Variants in HARS2 observed in about 807,000 individuals in gnomAD.
The protein encoded by HARS2 is histidine--tRNA ligase, mitochondrial.
A neutral mutation model predicts 62.4 loss-of-function variants in HARS2; 40 were observed. The observed-to-expected ratio is 0.64, with a 90% CI of 0.50 to 0.83. HARS2 has a LOEUF of 0.83. Ranked by LOEUF, HARS2 falls within the 40% of genes least tolerant of loss-of-function variation. The pLI is 0.00. For synonymous variants in HARS2, 228 were observed against 227.0 expected (o/e 1.00, Z -0.04); for missense variants, 569 against 626.4 (o/e 0.91, Z 0.98).
rs759831668 is a variant in HARS2, at chr5:140,697,255, G to C, written c.1046G>C (p.Gly349Ala). ...CTGCTGCAGACCCCAACTCAGGCTG[G>C]GGAGGAGCCCCTGAATGTGGGCAGT... ...AVLLQTPTQA[G>A]EEPLNVGSVA... is the part of the protein sequence containing the mutation. The change falls in exon 10 of 13, where the codon GGG becomes GCG. Residue 349 changes from glycine (G) to alanine (A), a missense_variant. Transcript: ENST00000230771. 1 of 1,614,068 alleles carries C rather than the reference G, an allele frequency of 6.2e-7. No homozygotes were observed. The highest frequency in any genetic ancestry group is 1.3e-5 in the African/African-American group (1 of 74,908).
rs1331020925 is a variant in HARS2, at chr5:140,697,362, A to G, written c.1153A>G (p.Ile385Val). 46 of 1,613,938 alleles carry G rather than the reference A, an allele frequency of 2.9e-5. No homozygotes were observed. Among genetic ancestry groups the G allele is most frequent in the Non-Finnish European group, 3.6e-5 (43 of 1,180,026 alleles). ...CAAGGTGCCATGTGTGGGACTCAGC[A>G]TTGGGGTTGAGCGAATCTTCTACAT... ...GHKVPCVGLS[I>V]GVERIFYIVE... The change falls in exon 10 of 13, where the codon ATT becomes GTT. Residue 385 changes from isoleucine to valine, a missense_variant. By Grantham distance (29) the Ile-to-Val change is conservative. Transcript: ENST00000230771.
chr5:140,692,150 A>G (rs2563305), intron 1 of HARS2: 40,060 of 196,754 alleles, frequency 0.2, 4,176 homozygotes, highest in African/African-American at 0.22. Context: ...GACTGAGTTC[A>G]TCTTAGAATT....
rs752429573 is a variant in HARS2 at position 140,697,691 on chromosome 5, G to A, written c.1314+6G>A. The A allele has an allele frequency of 1.9e-6, 3 of 1,580,810 alleles. No homozygotes were observed. The highest frequency in any genetic ancestry group is 2.2e-5 in the East Asian group (1 of 44,724). On this transcript the variant is annotated splice_donor_region_variant and intron_variant, in intron 11 of 12. Coordinates refer to ENST00000230771, the MANE Select transcript of HARS2 (RefSeq NM_012208.4). ...TTTGGGATTCTGGAATCAAGGTATG[G>A]TGGAGCTGATATCTGAGCCATCTGG... is the stretch of plus-strand genomic sequence containing the variant.
intron 7 of HARS2, 63 bp downstream of exon 7, chr5:140,696,264 C>A: frequency 3.4e-6 from 4 of 1,173,562 alleles, no homozygotes; most frequent in Non-Finnish European, 5.1e-6. Flanking sequence ...CAAATCCATA[C>A]CACTAGTGAA....
intron 8 of HARS2, 127 bp downstream of exon 8, chr5:140,696,741 T>C: frequency 1.1e-6 from 1 of 941,270 alleles, no homozygotes; most frequent in Non-Finnish European, 1.8e-6. Flanking sequence ...GAATTTAATT[T>C]CTCTTTTACT....
intron 4 of HARS2, among the ~76,000 whole-genome samples, chr5:140,694,704 C>T (rs1759679000): frequency 6.6e-6 from 1 of 152,182 alleles, no homozygotes. Context: ...CATCTCTACT[C>T]AGCTCCTGCT....
At position 140,694,042 on chromosome 5, in the gene HARS2, A is replaced by G; in HGVS notation, c.291A>G (p.Ala97=). 6.2e-7 allele frequency: 1 copy of G among 1,614,198 alleles called. No individual in the cohort carries two copies. Among genetic ancestry groups the G allele is most frequent in the Non-Finnish European group, 8.5e-7 (1 of 1,180,012 alleles). ...GAGCAAAGGGGATGGACACCCCAGCATTTGAGCTGAAGGTAAGGGGAGAAG... is the reference window on the plus strand; with the variant it reads ...GAGCAAAGGGGATGGACACCCCAGCGTTTGAGCTGAAGGTAAGGGGAGAAG... ...RHGAKGMDTP[A]FELKETLTEK... Residue 97 remains alanine, a synonymous_variant, in exon 3 of 13, where the codon GCA becomes GCG. Coordinates refer to ENST00000230771, the MANE Select transcript of HARS2 (RefSeq NM_012208.4).
rs752472621 is a variant in HARS2 at position 140,697,588 on chromosome 5, G to A, written c.1217G>A (p.Arg406Gln). ...QRMKTKGEKV[R>Q]TTETQVFVAT... ...TATTAGACCAAAGGTGAGAAGGTGC[G>A]GACTACAGAGACTCAAGTGTTTGTG... is the stretch of plus-strand genomic sequence containing the variant. Residue 406 changes from arginine (R) to glutamine (Q), a missense_variant, in exon 11 of 13, where the codon CGG becomes CAG. Transcript: ENST00000230771. The A allele has an allele frequency of 1.4e-5, 23 of 1,613,300 alleles. No individual in the cohort carries two copies. The highest frequency in any genetic ancestry group is 4.4e-5 in the South Asian group (4 of 91,056).
In HARS2 at chr5:140,697,572, A is replaced by G. The variant is rs1340753644; in HGVS notation, c.1201A>G (p.Lys401Glu). The stretch of plus-strand genomic sequence containing the variant: ...TTACTTTCTTCTCTCTTATTAGACC[A>G]AAGGTGAGAAGGTGCGGACTACAGA... ...FYIVEQRMKT[K>E]GEKVRTTETQ... The change falls in exon 11 of 13, where the codon AAA (lysine) becomes GAA (glutamate). Residue 401 changes from lysine (K) to glutamate (E), a missense_variant. Lys to Glu is a moderately conservative substitution (Grantham distance 56, BLOSUM62 1). Coordinates refer to ENST00000230771, the MANE Select transcript of HARS2 (RefSeq NM_012208.4). The G allele has an allele frequency of 1.2e-6, 2 of 1,612,288 alleles. No individual in the cohort carries two copies. Among genetic ancestry groups the G allele is most frequent in the Admixed American group, 3.3e-5 (2 of 60,022 alleles).
At chr5:140,697,462 T>C in intron 10 of HARS2, 56 bp downstream of exon 10, 1 of 1,611,114 alleles carries the variant, frequency 6.2e-7, no homozygotes, top group Non-Finnish European at 8.5e-7. Context: ...CTCCTGTTTC[T>C]GGAGGTGTAG....
rs201884182 is a variant in HARS2 at position 140,697,136 on chromosome 5, G to T, written c.955-28G>T. On this transcript the variant is annotated intron_variant, in intron 9 of 12. Coordinates refer to ENST00000230771, the MANE Select transcript of HARS2 (RefSeq NM_012208.4). Reference sequence around the variant, plus strand: ...GCTCTCAGGGTCCCGAGTCTAGTTTGGGACTGACTGTAATCTTGTCCCCAC... The same window carrying T: ...GCTCTCAGGGTCCCGAGTCTAGTTTTGGACTGACTGTAATCTTGTCCCCAC... 18 of 1,614,186 alleles carry T rather than the reference G, an allele frequency of 1.1e-5. No homozygotes were observed. In the African/African-American group the frequency reaches 2.3e-4, roughly 20 times the overall value.
chr5:140,696,792 G>C lies in HARS2; in HGVS notation c.827-151G>C, dbSNP rs536424128. 424 of 983,324 alleles carry C rather than the reference G, an allele frequency of 4.3e-4. 1 individual carries two copies. The highest frequency in any genetic ancestry group is 6.2e-4 in the Non-Finnish European group (388 of 624,068). The allele number at this position is 983,324 out of a possible 1,614,324, so 60.9% of individuals were successfully genotyped here. A position where few individuals can be genotyped will look rare whatever the true frequency, so the allele number is the denominator to read the frequency against. On this transcript the variant is annotated intron_variant, in intron 8 of 12. Coordinates refer to ENST00000230771, the MANE Select transcript of HARS2 (RefSeq NM_012208.4). The stretch of plus-strand genomic sequence containing the variant: ...GTGTCTTCAGATGGCAAAGCTAGAG[G>C]CAAAGGAGGAGGGTCTTGTCATGTG...
At position 140,691,536 on chromosome 5, in the gene HARS2, T is replaced by C. The variant is rs915973430; in HGVS notation, c.-113T>C. On this transcript the variant is annotated 5_prime_UTR_variant, in exon 1 of 13. Coordinates refer to ENST00000230771, the MANE Select transcript of HARS2 (RefSeq NM_012208.4). Reference sequence around the variant, plus strand: ...GTGAGGTGCGCAAACGCCCGAGTTTTCCCTGGTGCGCGGGTTCCGCCTTTG... The same window carrying C: ...GTGAGGTGCGCAAACGCCCGAGTTTCCCCTGGTGCGCGGGTTCCGCCTTTG... 9.9e-6 allele frequency: 8 copies of C among 806,786 alleles called. No individual in the cohort carries two copies. The African/African-American group carries it at 1.0e-4, about 10-fold the overall frequency. The allele number at this position is 806,786 out of a possible 1,614,324, so 50.0% of individuals were successfully genotyped here.
In HARS2 at chr5:140,698,379, C is replaced by G; in HGVS notation, c.1462-114C>G. On this transcript the variant is annotated intron_variant, in intron 12 of 12. Coordinates refer to ENST00000230771, the MANE Select transcript of HARS2 (RefSeq NM_012208.4). ...TCAGGTCAACCCACACTACTCCTTT[C>G]TGGTTGTATAAGTAATGGGAGAAGA... The G allele has an allele frequency of 3.4e-6, 3 of 878,482 alleles. No individual in the cohort carries two copies. In the South Asian group the frequency reaches 4.0e-5, roughly 12 times the overall value. 54.4% of individuals were successfully genotyped at this position (878,482 alleles called of 1,614,324 possible). A position where few individuals can be genotyped will look rare whatever the true frequency, so the allele number is the denominator to read the frequency against.
In HARS2 at chr5:140,695,426, C is replaced by CAGTTGATAG. The variant is rs56372992; in HGVS notation, c.400-80_400-79insTTGATAGAG. The CAGTTGATAG allele has an allele frequency of 5.7e-4, 859 of 1,500,696 alleles. 2 individuals carry two copies. The African/African-American group carries it at 0.011, about 18-fold the overall frequency. 93.0% of individuals were successfully genotyped at this position (1,500,696 alleles called of 1,614,324 possible). On this transcript the variant is annotated intron_variant, in intron 4 of 12. Coordinates refer to ENST00000230771, the MANE Select transcript of HARS2 (RefSeq NM_012208.4). Reference sequence around the variant, plus strand: ...TGTTCTTACCCTAGTGGATGAGATCCAGGCCCAGTCCTCCCTAATGTCTGT... The same window carrying CAGTTGATAG: ...TGTTCTTACCCTAGTGGATGAGATCCAGTTGATAGAGGCCCAGTCCTCCCTAATGTCTGT...
At position 140,691,923 on chromosome 5, in the gene HARS2, G is replaced by C. The variant is rs919435154; in HGVS notation, c.108+167G>C. On this transcript the variant is annotated intron_variant, in intron 1 of 12. Coordinates refer to ENST00000230771, the MANE Select transcript of HARS2 (RefSeq NM_012208.4). The stretch of plus-strand genomic sequence containing the variant: ...TGGATGCCTGGTCATTTAATCCTTG[G>C]AGCAATCTTGAGAGGTTGGAGTTTT... 4.8e-6 allele frequency: 3 copies of C among 628,332 alleles called. No individual in the cohort carries two copies. In the African/African-American group the frequency reaches 5.5e-5, roughly 11 times the overall value. The allele number at this position is 628,332 out of a possible 1,614,324, so 38.9% of individuals were successfully genotyped here. A position where few individuals can be genotyped will look rare whatever the true frequency, so the allele number is the denominator to read the frequency against.
Position 140,691,460 on chromosome 5 carries a change from A to G in HARS2, c.-189A>G. On this transcript the variant is annotated 5_prime_UTR_variant, in exon 1 of 13. Coordinates refer to ENST00000230771, the MANE Select transcript of HARS2 (RefSeq NM_012208.4). ...TTCCGGCTCCTCCCGGAAGTGCCGA[A>G]GCTGGCTACTAAGGGAACTTGGGAG... 1 of 715,062 alleles carries G rather than the reference A, an allele frequency of 1.4e-6. No individual in the cohort carries two copies. The highest frequency in any genetic ancestry group is 2.3e-6 in the Non-Finnish European group (1 of 426,106). The allele number at this position is 715,062 out of a possible 1,614,324, so 44.3% of individuals were successfully genotyped here.
Position 140,694,046 on chromosome 5 carries a change from G to C in HARS2, c.295G>C (p.Glu99Gln), listed in dbSNP as rs762652717. Reference protein sequence around the residue: ...GAKGMDTPAFELKETLTEKYG... With the variant: ...GAKGMDTPAFQLKETLTEKYG... ...AAAGGGGATGGACACCCCAGCATTT[G>C]AGCTGAAGGTAAGGGGAGAAGAAAG... Residue 99 changes from glutamate (E) to glutamine (Q), a missense_variant, in exon 3 of 13, where the codon GAG (glutamate) becomes CAG (glutamine). Transcript: ENST00000230771. 6.2e-7 allele frequency: 1 copy of C among 1,614,062 alleles called. No individual in the cohort carries two copies. The highest frequency in any genetic ancestry group is 8.5e-7 in the Non-Finnish European group (1 of 1,180,022).
rs1374385663 is a variant in HARS2 at position 140,694,170 on chromosome 5, G to A, written c.304-15G>A. The A allele has an allele frequency of 1.9e-6, 3 of 1,607,586 alleles. No individual in the cohort carries two copies. The highest frequency in any genetic ancestry group is 1.7e-5 in the Admixed American group (1 of 59,988). On this transcript the variant is annotated splice_polypyrimidine_tract_variant and intron_variant, in intron 3 of 12. Transcript: ENST00000230771. ...CATGCTTTCAACTGTGGCTCATTCT[G>A]TTTGACCCCTATAGGAAACCCTGAC... is the stretch of plus-strand genomic sequence containing the variant.
Sources: gnomAD v4.1 joint callset for allele counts (sites outside exome capture counted in the v4.1 genomes callset) on GRCh38, gnomAD v4.1.1 for gene constraint, MANE v1.5 for transcripts, NCBI Gene and HGNC (gene_info 2026-07-23, HGNC 2026-07-21) for gene names.